KIRREL3: variants seen among roughly 807,000 people sequenced by gnomAD.
KIRREL3 encodes kirre like nephrin family adhesion molecule 3.
Under a neutral mutation model 89.7 loss-of-function variants are expected in KIRREL3, and 36 were observed. The observed-to-expected ratio is 0.40, with a 90% CI of 0.31 to 0.53. The LOEUF (loss-of-function observed/expected upper bound fraction) is 0.53, where lower values mean the gene tolerates loss of function less well. Among genes scored for constraint, KIRREL3 ranks in the 20% least tolerant of loss-of-function variants. The pLI, the probability that KIRREL3 is intolerant of heterozygous loss-of-function variation, is 0.49. For missense variants in KIRREL3, 864 were observed against 1,056.6 expected, an observed-to-expected ratio of 0.82 and a Z score of 2.53; for synonymous variants, 445 against 441.4, an observed-to-expected ratio of 1.01 and a Z score of -0.10.
In KIRREL3 at chr11:126,959,837, A is replaced by C. The variant is rs191114896; in HGVS notation, c.55+40618T>G. Among the ~76,000 whole-genome samples, 3 of 152,084 alleles carry C rather than the reference A, an allele frequency of 2.0e-5. No individual in the cohort carries two copies. In the East Asian group the frequency reaches 5.8e-4, roughly 29 times the overall value. On this transcript the variant is annotated intron_variant, in intron 1 of 16. Transcript: ENST00000525144. Reference sequence around the variant, plus strand: ...CCAGGATGTGGACTGTGCCTCCAGGACCCCTCTCACAGCTAACCCCTTCCC... The same window carrying C: ...CCAGGATGTGGACTGTGCCTCCAGGCCCCCTCTCACAGCTAACCCCTTCCC...
At chr11:126,933,762 C>A (rs1183635730) in intron 1 of KIRREL3, among the ~76,000 whole-genome samples, 2 of 102,298 alleles carry the variant, frequency 2.0e-5, no homozygotes, top group Non-Finnish European at 3.7e-5. Flanking sequence ...AATACTTGTA[C>A]AATTCCCACC....
At chr11:126,678,933 C>T (rs373734279) in intron 1 of KIRREL3, among the ~76,000 whole-genome samples, 108 of 152,324 alleles carry the variant, frequency 7.1e-4, no homozygotes, top group African/African-American at 2.1e-3. Flanking sequence ...ACTCAAAAGC[C>T]GCTCCCAACT....
rs1169424697 is a variant in KIRREL3, at chr11:126,427,521, G to A, written c.1806+1658C>T. Among the ~76,000 whole-genome samples, 1 of 152,224 alleles carries A rather than the reference G, an allele frequency of 6.6e-6. No individual in the cohort carries two copies. The highest frequency in any genetic ancestry group is 1.5e-5 in the Non-Finnish European group (1 of 68,042). On this transcript the variant is annotated intron_variant, in intron 15 of 16. Transcript: ENST00000525144. The surrounding 1 kb of genome is among the most constrained non-coding windows in gnomAD (Gnocchi z 5.3). ...TCAACAGACAAAATTAGCAGGCAGA[G>A]AGAACAGCCGGTGCACAGGCCTTTG...
chr11:126,762,477 C>T (rs764045169), intron 1 of KIRREL3, among the ~76,000 whole-genome samples: 1 of 152,328 alleles, frequency 6.6e-6, no homozygotes, highest in South Asian at 2.1e-4. Flanking sequence ...GCACTTCATT[C>T]CCCAGCCTCC....
chr11:126,863,923 G>A (rs572813921), intron 1 of KIRREL3, among the ~76,000 whole-genome samples: 168 of 152,270 alleles, frequency 1.1e-3, no homozygotes, highest in Middle Eastern at 6.8e-3. Flanking sequence ...AGAGCCAGGG[G>A]GCCAGGAACA....
At chr11:126,499,128 G>A (rs1957768693) in intron 4 of KIRREL3, among the ~76,000 whole-genome samples, 1 of 123,872 alleles carries the variant, frequency 8.1e-6, no homozygotes, top group Non-Finnish European at 1.6e-5. Context: ...CCCCAGCCTG[G>A]ACAACAGAGC....
At chr11:126,777,496 T>C (rs1354056378) in intron 1 of KIRREL3, among the ~76,000 whole-genome samples, 1 of 152,060 alleles carries the variant, frequency 6.6e-6, no homozygotes, top group Non-Finnish European at 1.5e-5. Flanking sequence ...CCCAAAGCAT[T>C]CCGGGGTTAG....
rs527452406 is a variant in KIRREL3, at chr11:126,783,429, G to A, written c.55+217026C>T. 6.6e-6 allele frequency among the ~76,000 whole-genome samples: 1 copy of A among 152,282 alleles called. No individual in the cohort carries two copies. The highest frequency in any genetic ancestry group is 2.1e-4 in the South Asian group (1 of 4,830). ...CTTCAAAATAAGGTCATATTCTGTGGTATTGGGTGTTAGGACTTCAACATA... is the reference window on the plus strand; with the variant it reads ...CTTCAAAATAAGGTCATATTCTGTGATATTGGGTGTTAGGACTTCAACATA... On this transcript the variant is annotated intron_variant, in intron 1 of 16. Transcript: ENST00000525144. This position sits in a 1 kb window ranked among gnomAD's most constrained non-coding sequence, Gnocchi z 4.3.
chr11:126,623,479 C>T lies in KIRREL3; in HGVS notation c.56-60567G>A, dbSNP rs7130854. ...AACTATGTTGGTATTCTGTGATGTA[C>T]GCGGCTCTGTGTGCTGGTGAGATTT... On this transcript the variant is annotated intron_variant, in intron 1 of 16. Coordinates refer to ENST00000525144, the MANE Select transcript of KIRREL3 (RefSeq NM_032531.4). This position sits in a 1 kb window ranked among gnomAD's most constrained non-coding sequence, Gnocchi z 4.1. 4.0e-3 allele frequency among the ~76,000 whole-genome samples: 603 copies of T among 152,206 alleles called. 1 individual carries two copies. The highest frequency in any genetic ancestry group is 0.014 in the African/African-American group (566 of 41,526).
intron 4 of KIRREL3, among the ~76,000 whole-genome samples, chr11:126,517,151 AGAGAGAGAG>A (rs1958440836): frequency 1.3e-5 from 2 of 151,306 alleles, no homozygotes; most frequent in Non-Finnish European, 1.5e-5. Flanking sequence ...AGAGAGAGAG[AGAGAGAGAG>A]AGAGAGAGAG....
At position 126,890,715 on chromosome 11, in the gene KIRREL3, T is replaced by C. The variant is rs928646742; in HGVS notation, c.55+109740A>G. Among the ~76,000 whole-genome samples the C allele has an allele frequency of 6.6e-6, 1 of 152,226 alleles. No individual in the cohort carries two copies. Among genetic ancestry groups the C allele is most frequent in the African/African-American group, 2.4e-5 (1 of 41,456 alleles). On this transcript the variant is annotated intron_variant, in intron 1 of 16. Coordinates refer to ENST00000525144, the MANE Select transcript of KIRREL3 (RefSeq NM_032531.4). The surrounding 1 kb of genome is among the most constrained non-coding windows in gnomAD (Gnocchi z 5.1). ...ATACTCTGCCTTCTGTAGACTCTAC[T>C]GAAGCCACTAGGGTGAGTGAGAGAG...
At position 126,540,344 on chromosome 11, in the gene KIRREL3, G is replaced by T. The variant is rs1182570348; in HGVS notation, c.134-13657C>A. On this transcript the variant is annotated intron_variant, in intron 2 of 16. Coordinates refer to ENST00000525144, the MANE Select transcript of KIRREL3 (RefSeq NM_032531.4). ...GCTCTTCCCAGGGCTGGATGAGGGG[G>T]TGGAAAGTCTGAGGGCACATTCCCC... Among the ~76,000 whole-genome samples the T allele has an allele frequency of 2.0e-5, 3 of 152,206 alleles. No homozygotes were observed. In the South Asian group the frequency reaches 6.2e-4, roughly 32 times the overall value.
At chr11:126,875,127 A>G (rs953856159) in intron 1 of KIRREL3, among the ~76,000 whole-genome samples, 7 of 152,146 alleles carry the variant, frequency 4.6e-5, no homozygotes, top group Admixed American at 6.5e-5. Flanking sequence ...CAATCAATCA[A>G]TCAACCAACC....
intron 7 of KIRREL3, among the ~76,000 whole-genome samples, chr11:126,450,657 A>G (rs1956035825): frequency 7.3e-6 from 1 of 136,728 alleles, no homozygotes; most frequent in African/African-American, 3.0e-5. Context: ...GTGTGTGTGC[A>G]TGAGTGTGTG....
Position 126,905,300 on chromosome 11 carries a change from G to A in KIRREL3, c.55+95155C>T, listed in dbSNP as rs1038891611. Among the ~76,000 whole-genome samples, 1 of 152,042 alleles carries A rather than the reference G, an allele frequency of 6.6e-6. No homozygotes were observed. Among genetic ancestry groups the A allele is most frequent in the South Asian group, 2.1e-4 (1 of 4,810 alleles). On this transcript the variant is annotated intron_variant, in intron 1 of 16. Coordinates refer to ENST00000525144, the MANE Select transcript of KIRREL3 (RefSeq NM_032531.4). This position sits in a 1 kb window ranked among gnomAD's most constrained non-coding sequence, Gnocchi z 5.0. ...TCCGGGGGGAGCTGCAAGCTGAGGGGCTGCACCAGGAATACAGGATTCCTG... is the reference window on the plus strand; with the variant it reads ...TCCGGGGGGAGCTGCAAGCTGAGGGACTGCACCAGGAATACAGGATTCCTG...
rs957463062 is a variant in KIRREL3 at position 126,606,039 on chromosome 11, A to T, written c.56-43127T>A. On this transcript the variant is annotated intron_variant, in intron 1 of 16. Transcript: ENST00000525144. This position sits in a 1 kb window ranked among gnomAD's most constrained non-coding sequence, Gnocchi z 4.6. ...AAGGAATCCCAGTTGACCACTCATT[A>T]TCTCTGTAACTAAGTCAATTATTCA... 3.3e-5 allele frequency among the ~76,000 whole-genome samples: 5 copies of T among 152,182 alleles called. No individual in the cohort carries two copies. The highest frequency in any genetic ancestry group is 6.5e-5 in the Admixed American group (1 of 15,276).
chr11:126,676,427 G>A lies in KIRREL3; in HGVS notation c.56-113515C>T, dbSNP rs1443919139. Reference sequence around the variant, plus strand: ...CCTGGGGCCTCTCTAGTCCCCCAGGGCCACTGGGCTGGCTCTGCAGTTGGC... The same window carrying A: ...CCTGGGGCCTCTCTAGTCCCCCAGGACCACTGGGCTGGCTCTGCAGTTGGC... On this transcript the variant is annotated intron_variant, in intron 1 of 16. Transcript: ENST00000525144. The surrounding 1 kb of genome is among the most constrained non-coding windows in gnomAD (Gnocchi z 4.5). 6.6e-6 allele frequency among the ~76,000 whole-genome samples: 1 copy of A among 152,150 alleles called. No individual in the cohort carries two copies. Among genetic ancestry groups the A allele is most frequent in the Non-Finnish European group, 1.5e-5 (1 of 68,002 alleles).
In KIRREL3 at chr11:126,429,360, TC is replaced by T; in HGVS notation, c.1697-73del. Reference sequence around the variant, plus strand: ...TTTGAGATGTCAAGCTCCCTTGCAGTCCCCTGCCCCTGCCCTGCCACCCTCT... The same window carrying T: ...TTTGAGATGTCAAGCTCCCTTGCAGTCCCTGCCCCTGCCCTGCCACCCTCT... On this transcript the variant is annotated intron_variant, in intron 14 of 16. Coordinates refer to ENST00000525144, the MANE Select transcript of KIRREL3 (RefSeq NM_032531.4). This position sits in a 1 kb window ranked among gnomAD's most constrained non-coding sequence, Gnocchi z 5.2. 2 of 1,087,766 alleles carry T rather than the reference TC, an allele frequency of 1.8e-6. No individual in the cohort carries two copies. The highest frequency in any genetic ancestry group is 1.4e-6 in the Non-Finnish European group (1 of 717,832). The allele number at this position is 1,087,766 out of a possible 1,614,324, so 67.4% of individuals were successfully genotyped here. A position where few individuals can be genotyped will look rare whatever the true frequency, so the allele number is the denominator to read the frequency against.
At position 126,535,315 on chromosome 11, in the gene KIRREL3, T is replaced by C. The variant is rs1422915416; in HGVS notation, c.134-8628A>G. Reference sequence around the variant, plus strand: ...CTCATCTTAATCTCTTTTCTGGGACTCGCAGCACACATTATCACGGAATGA... The same window carrying C: ...CTCATCTTAATCTCTTTTCTGGGACCCGCAGCACACATTATCACGGAATGA... On this transcript the variant is annotated intron_variant, in intron 2 of 16. Coordinates refer to ENST00000525144, the MANE Select transcript of KIRREL3 (RefSeq NM_032531.4). This position sits in a 1 kb window ranked among gnomAD's most constrained non-coding sequence, Gnocchi z 4.5. Among the ~76,000 whole-genome samples, 3 of 152,186 alleles carry C rather than the reference T, an allele frequency of 2.0e-5. No homozygotes were observed. The highest frequency in any genetic ancestry group is 2.9e-5 in the Non-Finnish European group (2 of 68,038).
Sources: allele counts gnomAD v4.1 joint callset (sites outside exome capture counted in the v4.1 genomes callset), GRCh38; gene constraint gnomAD v4.1.1; non-coding constraint Gnocchi (gnomAD v3.1); transcripts MANE v1.5; gene names NCBI Gene and HGNC (gene_info 2026-07-23, HGNC 2026-07-21).